Variants in UBR1 observed in about 807,000 individuals in gnomAD.
UBR1 encodes E3 ubiquitin-protein ligase UBR1.
UBR1 carries 102 observed loss-of-function variants against 242.1 expected under a neutral mutation model. The ratio of observed to expected loss-of-function variants is 0.42; its 90% CI spans 0.36 to 0.50. UBR1 has a LOEUF of 0.50. Ranked by LOEUF, UBR1 falls within the 20% of genes least tolerant of loss-of-function variation. The pLI, the probability that UBR1 is intolerant of heterozygous loss-of-function variation, is 0.01. For missense variants in UBR1, 1,772 were observed against 2,101.8 expected, an observed-to-expected ratio of 0.84 and a Z score of 3.07; for synonymous variants, 675 against 684.8, an observed-to-expected ratio of 0.99 and a Z score of 0.22.
chr15:42,990,455 G>A (rs1342446602), intron 33 of UBR1, among the ~76,000 whole-genome samples: 1 of 152,176 alleles, frequency 6.6e-6, no homozygotes, highest in Non-Finnish European at 1.5e-5. Flanking sequence ...TTACAGACAT[G>A]AGCCACTGTG....
chr15:43,070,329 G>A (rs2033809499), intron 5 of UBR1, among the ~76,000 whole-genome samples: 1 of 150,594 alleles, frequency 6.6e-6, no homozygotes, highest in South Asian at 2.1e-4. Context: ...CAGGGGAAAG[G>A]GCCATTTCCT....
rs866362589 is a variant in UBR1 at position 43,022,784 on chromosome 15, T to C, written c.2757A>G (p.Ala919=). The change falls in exon 26 of 47, where the codon GCA becomes GCG. Residue 919 remains alanine, a synonymous_variant. Transcript: ENST00000290650. ...GMLQMAFHIL[A]LGLLEEKQQL... ...GTTGCTTCTCTTCTAGTAAACCCAA[T>C]GCCAGAATATGAAAAGCCTGAAGGA... 2.5e-6 allele frequency: 4 copies of C among 1,611,576 alleles called. No individual in the cohort carries two copies. In the Middle Eastern group the frequency reaches 5.0e-4, roughly 202 times the overall value.
chr15:43,048,246 G>T, intron 13 of UBR1, 146 bp downstream of exon 13: 1 of 654,794 alleles, frequency 1.5e-6, no homozygotes, highest in Non-Finnish European at 2.6e-6. Context: ...TATCAAAACA[G>T]GATGAGTGAG....
chr15:43,086,985 G>A (rs1046165986), intron 1 of UBR1, among the ~76,000 whole-genome samples: 4 of 152,070 alleles, frequency 2.6e-5, no homozygotes, highest in African/African-American at 7.2e-5. Flanking sequence ...CTTCAGCCTC[G>A]ACAACACATA....
chr15:43,060,025 C>T, intron 7 of UBR1, 27 bp downstream of exon 7: 1 of 1,611,472 alleles, frequency 6.2e-7, no homozygotes, highest in Non-Finnish European at 8.5e-7. Context: ...TTTAACTTCT[C>T]TTTTTCCCCC....
rs562869855 is a variant in UBR1, at chr15:42,948,721, A to G, written c.5108+1541T>C. Among the ~76,000 whole-genome samples the G allele has an allele frequency of 3.0e-3, 461 of 152,334 alleles. 1 individual carries two copies. The highest frequency in any genetic ancestry group is 4.2e-3 in the Non-Finnish European group (288 of 68,026). On this transcript the variant is annotated intron_variant, in intron 46 of 46. Transcript: ENST00000290650. ...GGCCATCAGAGAAATGCAAATCAAAACCACAATGAGATACCACCTCACACT... is the reference window on the plus strand; with the variant it reads ...GGCCATCAGAGAAATGCAAATCAAAGCCACAATGAGATACCACCTCACACT...
At chr15:43,063,436 A>G (rs940399779) in intron 6 of UBR1, among the ~76,000 whole-genome samples, 2 of 152,052 alleles carry the variant, frequency 1.3e-5, no homozygotes, top group African/African-American at 4.8e-5. Flanking sequence ...TCCTACCACA[A>G]TAATATATCT....
At chr15:42,961,271 C>T (rs1368127153) in intron 42 of UBR1, among the ~76,000 whole-genome samples, 1 of 151,772 alleles carries the variant, frequency 6.6e-6, no homozygotes, top group East Asian at 1.9e-4. Context: ...CACCACCATG[C>T]CCGGTTAATT....
intron 9 of UBR1, 63 bp from the exon 10 acceptor site, chr15:43,058,492 A>G: frequency 8.9e-7 from 1 of 1,121,978 alleles, no homozygotes; most frequent in Non-Finnish European, 1.3e-6. Flanking sequence ...AACCAAAAAC[A>G]TTCTGGCTAT....
intron 14 of UBR1, among the ~76,000 whole-genome samples, chr15:43,045,009 A>G (rs542847937): frequency 6.6e-6 from 1 of 152,346 alleles, no homozygotes; most frequent in Admixed American, 6.5e-5. Context: ...TTTCCCTTCA[A>G]AACACCAGTT....
At chr15:43,096,210 A>G (rs1304306086) in intron 1 of UBR1, among the ~76,000 whole-genome samples, 5 of 146,216 alleles carry the variant, frequency 3.4e-5, no homozygotes, top group African/African-American at 5.1e-5. Flanking sequence ...GTCTCACTCT[A>G]TCCCTCAGAC....
chr15:43,078,292 A>G (rs1249223771), intron 3 of UBR1, among the ~76,000 whole-genome samples: 2 of 152,218 alleles, frequency 1.3e-5, no homozygotes, highest in South Asian at 2.1e-4. Context: ...GGAAACCCCT[A>G]AAGATGTGGC....
chr15:43,070,961 T>C lies in UBR1; in HGVS notation c.529-36A>G, dbSNP rs372424973. ...GCCGAGAAAAACATACTAGTCAAGA[T>C]TGTATACAAATAAATGGATAAGGAA... is the stretch of plus-strand genomic sequence containing the variant. On this transcript the variant is annotated intron_variant, in intron 4 of 46. Coordinates refer to ENST00000290650, the MANE Select transcript of UBR1 (RefSeq NM_174916.3). 257 of 1,608,686 alleles carry C rather than the reference T, an allele frequency of 1.6e-4. 1 individual carries two copies. Among genetic ancestry groups the C allele is most frequent in the Non-Finnish European group, 7.8e-5 (92 of 1,178,962 alleles).
chr15:43,076,849 T>C (rs1454966261), intron 3 of UBR1, among the ~76,000 whole-genome samples: 13 of 77,614 alleles, frequency 1.7e-4, no homozygotes, highest in African/African-American at 5.7e-4. Flanking sequence ...CCGCCCCTAC[T>C]GGGAAGTGAG....
intron 1 of UBR1, among the ~76,000 whole-genome samples, chr15:43,090,879 A>G (rs1358253467): frequency 6.6e-6 from 1 of 152,202 alleles, no homozygotes; most frequent in African/African-American, 2.4e-5. Flanking sequence ...TAAGTCCTAA[A>G]GTTCAGTGCC....
intron 19 of UBR1, among the ~76,000 whole-genome samples, 193 bp from the exon 20 acceptor site, chr15:43,032,824 C>G (rs1007165453): frequency 3.9e-5 from 6 of 152,170 alleles, no homozygotes; most frequent in Non-Finnish European, 8.8e-5. Context: ...CAATACCTGG[C>G]ATATAATTGC....
chr15:43,019,776 T>G (rs1165458455), intron 27 of UBR1, among the ~76,000 whole-genome samples: 8 of 150,432 alleles, frequency 5.3e-5, no homozygotes, highest in Non-Finnish European at 5.9e-5. Context: ...TTTTTTTTTT[T>G]TGTATTTTTA....
At position 43,060,043 on chromosome 15, in the gene UBR1, G is replaced by C; in HGVS notation, c.861+9C>G. On this transcript the variant is annotated intron_variant, in intron 7 of 46. Coordinates refer to ENST00000290650, the MANE Select transcript of UBR1 (RefSeq NM_174916.3). The stretch of plus-strand genomic sequence containing the variant: ...AACTTCTCTTTTTCCCCCTAATTCA[G>C]AAAGTTACCTTTATATCTTCCTTTG... The C allele has an allele frequency of 6.2e-7, 1 of 1,613,722 alleles. No homozygotes were observed. The highest frequency in any genetic ancestry group is 8.5e-7 in the Non-Finnish European group (1 of 1,179,812).
chr15:43,003,782 A>C (rs1277570701), intron 31 of UBR1, 55 bp downstream of exon 31: 5 of 1,542,992 alleles, frequency 3.2e-6, no homozygotes, highest in African/African-American at 1.4e-5. Context: ...TGTGGCCTTG[A>C]GTGAACTTCA....
Sources: allele counts gnomAD v4.1 joint callset (sites outside exome capture counted in the v4.1 genomes callset), GRCh38; gene constraint gnomAD v4.1.1; transcripts MANE v1.5; gene names NCBI Gene and HGNC (gene_info 2026-07-23, HGNC 2026-07-21).